Variants in ZNF395 observed in about 807,000 individuals in gnomAD.
ZNF395 encodes HD gene regulatory region-binding protein 2.
ZNF395 carries 20 observed loss-of-function variants against 57.7 expected under a neutral mutation model. That is an observed-to-expected ratio of 0.35 (90% CI 0.24 to 0.50). The LOEUF is 0.50. Ranked by LOEUF, ZNF395 falls within the 20% of genes least tolerant of loss-of-function variation. The pLI, the probability that ZNF395 is intolerant of heterozygous loss-of-function variation, is 0.97. For synonymous variants in ZNF395, 295 were observed against 275.9 expected (o/e 1.07, Z -0.69); for missense variants, 606 against 671.2 (o/e 0.90, Z 1.07).
Position 28,349,147 on chromosome 8 carries a change from G to A in ZNF395, c.1408C>T (p.Pro470Ser). 6.4e-7 allele frequency: 1 copy of A among 1,565,726 alleles called. No individual in the cohort carries two copies. The highest frequency in any genetic ancestry group is 8.6e-7 in the Non-Finnish European group (1 of 1,157,742). The change falls in exon 9 of 10, where the codon CCC becomes TCC. Residue 470 changes from proline to serine, a missense_variant. Pro to Ser is a moderately conservative substitution (Grantham distance 74). Transcript: ENST00000344423. Reference sequence around the variant, plus strand: ...CACCTGGCACCACTCTGGGCCCGGGGTGGAGAAGTGACGATCAGATGAGAT... The same window carrying A: ...CACCTGGCACCACTCTGGGCCCGGGATGGAGAAGTGACGATCAGATGAGAT... ...MKSHLIVTSP[P>S]RAQSGARKAR...
chr8:28,363,718 T>C (rs1323472099), intron 1 of ZNF395, among the ~76,000 whole-genome samples: 1 of 152,108 alleles, frequency 6.6e-6, no homozygotes, highest in African/African-American at 2.4e-5. Context: ...GAAGAAAGGG[T>C]AGTATTTCCC....
chr8:28,383,073 G>C (rs1267117016), intron 1 of ZNF395, among the ~76,000 whole-genome samples: 1 of 152,266 alleles, frequency 6.6e-6, no homozygotes, highest in South Asian at 2.1e-4. Flanking sequence ...ACTGCTTCAT[G>C]CAATTATTCT....
At position 28,365,228 on chromosome 8, in the gene ZNF395, C is replaced by T. The variant is rs149067511; in HGVS notation, c.-58-4046G>A. The stretch of plus-strand genomic sequence containing the variant: ...ACCAAGGGTCTTTGGGGACTCAGAG[C>T]GAATGACAGCATCAGCAAAGGTCTG... On this transcript the variant is annotated intron_variant, in intron 1 of 9. Transcript: ENST00000344423. 4 of 152,356 alleles carry T rather than the reference C, an allele frequency of 2.6e-5. No homozygotes were observed. In the East Asian group the frequency reaches 5.8e-4, roughly 22 times the overall value. The allele number at this position is 152,356 out of a possible 1,614,324, so 9.4% of individuals were successfully genotyped here.
chr8:28,363,574 A>T (rs189577630), intron 1 of ZNF395, among the ~76,000 whole-genome samples: 6 of 152,334 alleles, frequency 3.9e-5, no homozygotes, highest in African/African-American at 1.2e-4. Flanking sequence ...ATGTAGAGAC[A>T]TGAGATGGCA....
rs562074784 is a variant in ZNF395 at position 28,363,653 on chromosome 8, T to A, written c.-58-2471A>T. On this transcript the variant is annotated intron_variant, in intron 1 of 9. Transcript: ENST00000344423. ...AAAACAAAACAAAACAAAACAAAAC[T>A]AATGGCCTCCCCACGTTCTAGAGCA... Among the ~76,000 whole-genome samples, 174 of 152,108 alleles carry A rather than the reference T, an allele frequency of 1.1e-3. 2 individuals are homozygous for A. Among genetic ancestry groups the A allele is most frequent in the Admixed American group, 8.8e-3 (134 of 15,282 alleles).
intron 1 of ZNF395, among the ~76,000 whole-genome samples, chr8:28,361,492 T>C (rs1801849307): frequency 6.6e-6 from 1 of 152,228 alleles, no homozygotes; most frequent in African/African-American, 2.4e-5. Flanking sequence ...TACTATATCA[T>C]TCAATATTAT....
intron 1 of ZNF395, among the ~76,000 whole-genome samples, chr8:28,379,712 C>A (rs1802086577): frequency 6.6e-6 from 1 of 152,060 alleles, no homozygotes; most frequent in Admixed American, 6.5e-5. Flanking sequence ...AGCAGGCACT[C>A]AAGATTAATC....
rs571759837 is a variant in ZNF395, at chr8:28,384,710, C to T, written c.-59+1683G>A. ...CTACGGGTGAGTTACTCTCCACAGG[C>T]ATAATTTACTTCAAAACTTAGTACT... On this transcript the variant is annotated intron_variant, in intron 1 of 9. Coordinates refer to ENST00000344423, the MANE Select transcript of ZNF395 (RefSeq NM_018660.3). 1.2e-4 allele frequency among the ~76,000 whole-genome samples: 18 copies of T among 152,334 alleles called. 1 individual carries two copies. In the South Asian group the frequency reaches 3.5e-3, roughly 30 times the overall value.
intron 2 of ZNF395, among the ~76,000 whole-genome samples, 193 bp from the exon 3 acceptor site, chr8:28,360,017 C>T (rs1040436883): frequency 1.3e-5 from 2 of 152,358 alleles, no homozygotes; most frequent in African/African-American, 4.8e-5. Flanking sequence ...CCCAATTCCT[C>T]CCAAGACAGA....
At chr8:28,379,798 T>C (rs1038723352) in intron 1 of ZNF395, among the ~76,000 whole-genome samples, 2 of 142,666 alleles carry the variant, frequency 1.4e-5, no homozygotes, top group African/African-American at 5.9e-5. Context: ...ATGTCCCCAC[T>C]GTGGAATACA....
Position 28,350,089 on chromosome 8 carries a change from G to C in ZNF395, c.1301C>G (p.Pro434Arg), listed in dbSNP as rs753446602. Reference sequence around the variant, plus strand: ...CGGAGAGAGAGAGCAGGCGGCGGAGGGGGCAGCAGCCCAGCTGACACTGGT... The same window carrying C: ...CGGAGAGAGAGAGCAGGCGGCGGAGCGGGCAGCAGCCCAGCTGACACTGGT... ...IYTSVSWAAA[P>R]SAACSLSPVR... The change falls in exon 8 of 10, where the codon CCC (proline) becomes CGC (arginine). Residue 434 changes from proline to arginine, a missense_variant. Around this residue, in one of 3 missense-constraint regions of ZNF395, gnomAD observed 261 missense variants for 240.3 expected, o/e 1.09. Coordinates refer to ENST00000344423, the MANE Select transcript of ZNF395 (RefSeq NM_018660.3). 1 of 1,606,282 alleles carries C rather than the reference G, an allele frequency of 6.2e-7. No homozygotes were observed.
chr8:28,361,266 A>G, intron 1 of ZNF395, 84 bp from the exon 2 acceptor site: 1 of 1,145,236 alleles, frequency 8.7e-7, no homozygotes. Context: ...AACCCTTTAA[A>G]GTCAACTTCT....
At chr8:28,351,927 C>A in intron 6 of ZNF395, 120 bp from the exon 7 acceptor site, 1 of 1,162,660 alleles carries the variant, frequency 8.6e-7, no homozygotes, top group Non-Finnish European at 1.2e-6. Flanking sequence ...GGACGGAGCC[C>A]AAGAGAACAC....
intron 1 of ZNF395, among the ~76,000 whole-genome samples, chr8:28,379,653 T>C (rs1419943578): frequency 6.6e-6 from 1 of 152,192 alleles, no homozygotes; most frequent in Non-Finnish European, 1.5e-5. Flanking sequence ...GGTCAAAGAC[T>C]CTGTCTTCCA....
At chr8:28,374,659 C>T (rs754461934) in intron 1 of ZNF395, among the ~76,000 whole-genome samples, 10 of 152,106 alleles carry the variant, frequency 6.6e-5, no homozygotes, top group Non-Finnish European at 1.3e-4. Flanking sequence ...AGCCCAACTC[C>T]GCAACTCTGT....
intron 2 of ZNF395, among the ~76,000 whole-genome samples, chr8:28,360,097 T>C (rs916121289): frequency 6.6e-6 from 1 of 152,222 alleles, no homozygotes; most frequent in African/African-American, 2.4e-5. Flanking sequence ...GAATCTAGAA[T>C]CTGTGCTCAT....
Position 28,351,425 on chromosome 8 carries a change from A to G in ZNF395, c.1233+70T>C, listed in dbSNP as rs527741561. The G allele has an allele frequency of 3.9e-5, 58 of 1,489,712 alleles. 1 individual carries two copies. The African/African-American group carries it at 7.8e-4, about 20-fold the overall frequency. 92.3% of individuals were successfully genotyped at this position (1,489,712 alleles called of 1,614,324 possible). The stretch of plus-strand genomic sequence containing the variant: ...TCAGCCTTCCATCAGGGTGGTCGGT[A>G]GCCTGTAATCAAGCTGGCCCGTGAT... On this transcript the variant is annotated intron_variant, in intron 7 of 9. Coordinates refer to ENST00000344423, the MANE Select transcript of ZNF395 (RefSeq NM_018660.3).
intron 1 of ZNF395, among the ~76,000 whole-genome samples, chr8:28,367,967 A>G (rs1801931432): frequency 6.6e-6 from 1 of 152,228 alleles, no homozygotes; most frequent in South Asian, 2.1e-4. Context: ...AAGCAGGACT[A>G]TGCTGACAGA....
In ZNF395 at chr8:28,348,552, C is replaced by A. The variant is rs371978332; in HGVS notation, c.*167G>T. On this transcript the variant is annotated 3_prime_UTR_variant, in exon 10 of 10. Transcript: ENST00000344423. Reference sequence around the variant, plus strand: ...TCTTTTTTTTAAAAAATAAAATGTTCGCACAATGGGAGAAAATTGCTTTAA... The same window carrying A: ...TCTTTTTTTTAAAAAATAAAATGTTAGCACAATGGGAGAAAATTGCTTTAA... The A allele has an allele frequency of 3.2e-6, 2 of 627,652 alleles. No homozygotes were observed. The highest frequency in any genetic ancestry group is 2.9e-5 in the Admixed American group (1 of 34,188). The allele number at this position is 627,652 out of a possible 1,614,324, so 38.9% of individuals were successfully genotyped here.
Sources: gnomAD v4.1 joint callset for allele counts (sites outside exome capture counted in the v4.1 genomes callset) on GRCh38, gnomAD v4.1.1 for gene constraint, gnomAD v4.1.1 regional missense constraint, MANE v1.5 for transcripts, NCBI Gene and HGNC (gene_info 2026-07-23, HGNC 2026-07-21) for gene names.